Variants in CCT3 observed in about 807,000 individuals in gnomAD.
The protein encoded by CCT3 is chaperonin containing TCP1 subunit 3, also known as T-complex protein 1 subunit gamma.
In CCT3, 10 loss-of-function variants were observed where a neutral mutation model predicts 65.3. That is an observed-to-expected ratio of 0.15 (90% confidence interval 0.09 to 0.26). CCT3 has a LOEUF of 0.26. Ranked by LOEUF, CCT3 falls within the 10% of genes least tolerant of loss-of-function variation. CCT3 has a pLI of 1.00. For synonymous variants in CCT3, 225 were observed against 242.3 expected, an observed-to-expected ratio of 0.93 and a Z score of 0.66; for missense variants, 626 against 708.7, an observed-to-expected ratio of 0.88 and a Z score of 1.33.
intron 10 of CCT3, among the ~76,000 whole-genome samples, chr1:156,316,532 T>C (rs1664320550): frequency 1.3e-5 from 2 of 152,232 alleles, no homozygotes; most frequent in Non-Finnish European, 2.9e-5. Flanking sequence ...TATATTATGT[T>C]GGGGTAGATT....
chr1:156,320,314 CAGG>C (rs1278679096), intron 7 of CCT3, among the ~76,000 whole-genome samples: 2 of 152,118 alleles, frequency 1.3e-5, no homozygotes, highest in African/African-American at 4.8e-5. Flanking sequence ...AAGGCTGAGG[CAGG>C]AGATCACTCG....
At chr1:156,324,162 G>A (rs1223810705) in intron 6 of CCT3, among the ~76,000 whole-genome samples, 1 of 151,814 alleles carries the variant, frequency 6.6e-6, no homozygotes, top group Non-Finnish European at 1.5e-5. Context: ...TCGCCTCCCG[G>A]GTCCAAGCGA....
rs1156597885 is a variant in CCT3, at chr1:156,313,349, AG to A, written c.975-1129del. On this transcript the variant is annotated intron_variant, in intron 10 of 13. Transcript: ENST00000295688. ...GTAAGATTCTGTCTCAAAAAAAAAA[AG>A]AAAAAAAAAAAAAGAGAGAGAGAGA... Among the ~76,000 whole-genome samples, 170 of 114,100 alleles carry A rather than the reference AG, an allele frequency of 1.5e-3. 1 individual carries two copies. Among genetic ancestry groups the A allele is most frequent in the African/African-American group, 2.6e-3 (73 of 28,152 alleles). 74.9% of individuals were successfully genotyped at this position (114,100 alleles called of 152,430 possible). A position where few individuals can be genotyped will look rare whatever the true frequency, so the allele number is the denominator to read the frequency against.
chr1:156,322,586 G>T (rs1261055154), intron 6 of CCT3, among the ~76,000 whole-genome samples: 2 of 151,990 alleles, frequency 1.3e-5, no homozygotes, highest in African/African-American at 2.4e-5. Flanking sequence ...GGCCAGGCAC[G>T]GTGGCTCACG....
chr1:156,315,743 C>G (rs1372826068), intron 10 of CCT3, among the ~76,000 whole-genome samples: 1 of 152,092 alleles, frequency 6.6e-6, no homozygotes, highest in East Asian at 1.9e-4. Flanking sequence ...ACACTTAAGG[C>G]AACTAGTCAT....
At chr1:156,332,043 A>AG (rs1558273649) in intron 5 of CCT3, among the ~76,000 whole-genome samples, 2 of 149,836 alleles carry the variant, frequency 1.3e-5, no homozygotes, top group Non-Finnish European at 1.5e-5. Flanking sequence ...AAAAAAAAAA[A>AG]GAGACATGGT....
chr1:156,320,952 T>C lies in CCT3; in HGVS notation c.496A>G (p.Ser166Gly), dbSNP rs765289429. The C allele has an allele frequency of 1.9e-6, 3 of 1,614,042 alleles. No individual in the cohort carries two copies. Among genetic ancestry groups the C allele is most frequent in the South Asian group, 2.2e-5 (2 of 91,078 alleles). ...TTGCAAGCCAAAGATGACCACCGACTGATGGCTTTGGTAGTAATAGAGCTG... is the reference window on the plus strand; with the variant it reads ...TTGCAAGCCAAAGATGACCACCGACCGATGGCTTTGGTAGTAATAGAGCTG... ...INSSITTKAI[S>G]RWSSLACNIA... The change falls in exon 7 of 14, where the codon AGT (serine) becomes GGT (glycine). Residue 166 changes from serine (S) to glycine (G), a missense_variant. Physicochemically the swap from Ser to Gly is moderately conservative, Grantham distance 56. Coordinates refer to ENST00000295688, the MANE Select transcript of CCT3 (RefSeq NM_005998.5).
chr1:156,309,064 G>T lies in CCT3; in HGVS notation c.*135C>A. The stretch of plus-strand genomic sequence containing the variant: ...AGTGTCTTTTGGAAAACTGAGCTGG[G>T]ACAGAAAGGGACTGGGGGCTGCCCC... On this transcript the variant is annotated 3_prime_UTR_variant, in exon 14 of 14. Transcript: ENST00000295688. 1 of 650,140 alleles carries T rather than the reference G, an allele frequency of 1.5e-6. No individual in the cohort carries two copies. The highest frequency in any genetic ancestry group is 2.8e-6 in the Non-Finnish European group (1 of 362,600). 40.3% of individuals were successfully genotyped at this position (650,140 alleles called of 1,614,324 possible).
chr1:156,336,035 T>G, intron 1 of CCT3, 147 bp from the exon 2 acceptor site: 1 of 559,668 alleles, frequency 1.8e-6, no homozygotes, highest in East Asian at 2.9e-5. Flanking sequence ...TTTAAATAAG[T>G]GCAGTTTATT....
chr1:156,314,702 G>T (rs896227694), intron 10 of CCT3, among the ~76,000 whole-genome samples: 2 of 151,898 alleles, frequency 1.3e-5, no homozygotes, highest in African/African-American at 4.8e-5. Flanking sequence ...CGACAAGAGC[G>T]AAACTCCATC....
rs1453922564 is a variant in CCT3 at position 156,335,822 on chromosome 1, G to A, written c.93+5C>T. Reference sequence around the variant, plus strand: ...ACTACCATAAACACTTAAAAGATTTGTGACCTTGGCAGCATTGATGTTTCC... The same window carrying A: ...ACTACCATAAACACTTAAAAGATTTATGACCTTGGCAGCATTGATGTTTCC... On this transcript the variant is annotated splice_donor_5th_base_variant and intron_variant, in intron 2 of 13. Coordinates refer to ENST00000295688, the MANE Select transcript of CCT3 (RefSeq NM_005998.5). The A allele has an allele frequency of 1.2e-6, 2 of 1,612,982 alleles. No individual in the cohort carries two copies. Among genetic ancestry groups the A allele is most frequent in the Admixed American group, 1.7e-5 (1 of 59,996 alleles).
rs1664422406 is a variant in CCT3, at chr1:156,318,903, C to T, written c.724G>A (p.Asp242Asn). Residue 242 changes from aspartate (D) to asparagine (N), a missense_variant, in exon 8 of 14, where the codon GAT becomes AAT. Asp to Asn is a conservative substitution (Grantham distance 23). Coordinates refer to ENST00000295688, the MANE Select transcript of CCT3 (RefSeq NM_005998.5). Reference sequence around the variant, plus strand: ...CCTTTCTTGTATTCCAGAGAAGAATCCAGCAGCACAATGCGAGGGTTCTTG... The same window carrying T: ...CCTTTCTTGTATTCCAGAGAAGAATTCAGCAGCACAATGCGAGGGTTCTTG... The part of the protein sequence containing the change: ...YIKNPRIVLL[D>N]SSLEYKKGES... The T allele has an allele frequency of 6.2e-7, 1 of 1,613,934 alleles. No homozygotes were observed. Among genetic ancestry groups the T allele is most frequent in the African/African-American group, 1.3e-5 (1 of 74,914 alleles).
chr1:156,331,694 T>C (rs917164258), intron 5 of CCT3, among the ~76,000 whole-genome samples: 8 of 149,920 alleles, frequency 5.3e-5, no homozygotes, highest in African/African-American at 2.0e-4. Flanking sequence ...AAAACATAAA[T>C]AAATAAATAA....
intron 5 of CCT3, 197 bp downstream of exon 5, chr1:156,333,350 A>G (rs1416476734): frequency 9.5e-6 from 5 of 525,210 alleles, no homozygotes; most frequent in Non-Finnish European, 1.7e-5. Context: ...ATTAACTATT[A>G]GTTTATCAGC....
intron 5 of CCT3, among the ~76,000 whole-genome samples, chr1:156,327,516 C>T (rs1333886677): frequency 6.6e-6 from 1 of 152,236 alleles, no homozygotes; most frequent in Non-Finnish European, 1.5e-5. Context: ...TGGTCTCCAG[C>T]TCCTAACCGC....
rs1665329207 is a variant in CCT3, at chr1:156,335,991, A to T, written c.32-103T>A. 3.5e-6 allele frequency: 3 copies of T among 848,738 alleles called. 1 individual carries two copies. The South Asian group carries it at 4.6e-5, about 13-fold the overall frequency. The allele number at this position is 848,738 out of a possible 1,614,324, so 52.6% of individuals were successfully genotyped here. On this transcript the variant is annotated intron_variant, in intron 1 of 13. Transcript: ENST00000295688. ...AAAATAAGAATGCAGGTTTCATGGT[A>T]TATCCACAGAGCAAAGCTTATCAAA...
chr1:156,323,263 G>A (rs1443397792), intron 6 of CCT3, among the ~76,000 whole-genome samples: 2 of 111,122 alleles, frequency 1.8e-5, no homozygotes, highest in East Asian at 2.7e-4. Flanking sequence ...CCGAGATCGC[G>A]CCATTCATTG....
intron 7 of CCT3, among the ~76,000 whole-genome samples, chr1:156,319,302 G>C (rs2101643789): frequency 6.6e-6 from 1 of 151,620 alleles, no homozygotes; most frequent in African/African-American, 2.4e-5. Flanking sequence ...TATTTTACTA[G>C]AGATGGGGTT....
chr1:156,329,586 T>C (rs1665020918), intron 5 of CCT3, among the ~76,000 whole-genome samples: 3 of 150,354 alleles, frequency 2.0e-5, no homozygotes, highest in Non-Finnish European at 3.0e-5. Context: ...ATTACAGGCG[T>C]AAGCCACCGC....
Sources: allele counts gnomAD v4.1 joint callset (sites outside exome capture counted in the v4.1 genomes callset), GRCh38; gene constraint gnomAD v4.1.1; transcripts MANE v1.5; gene names NCBI Gene and HGNC (gene_info 2026-07-23, HGNC 2026-07-21).